The following PTPRD variants were observed in gnomAD, a reference collection of about 807,000 sequenced individuals.
The protein encoded by PTPRD is receptor-type tyrosine-protein phosphatase delta.
PTPRD carries 34 observed loss-of-function variants against 214.5 expected under a neutral mutation model. The ratio of observed to expected loss-of-function variants is 0.16; its 90% confidence interval spans 0.12 to 0.21. PTPRD has a LOEUF of 0.21. Ranked by LOEUF, PTPRD falls within the 10% of genes least tolerant of loss-of-function variation. The pLI is 1.00. For synonymous variants in PTPRD, 1,128 were observed against 845.7 expected, an observed-to-expected ratio of 1.33 and a Z score of -5.79; for missense variants, 2,545 against 2,398.7, an observed-to-expected ratio of 1.06 and a Z score of -1.27.
At chr9:10,000,999 C>T (rs2096295195) in intron 4 of PTPRD, among the ~76,000 whole-genome samples, 1 of 152,140 alleles carries the variant, frequency 6.6e-6, no homozygotes, top group Non-Finnish European at 1.5e-5. Flanking sequence ...CCAATATTAC[C>T]GACCACTTTT....
At chr9:9,314,246 G>A (rs1961136554) in intron 9 of PTPRD, among the ~76,000 whole-genome samples, 1 of 152,124 alleles carries the variant, frequency 6.6e-6, no homozygotes, top group East Asian at 1.9e-4. Flanking sequence ...TTAAATGGCT[G>A]TAGGATAGTA....
chr9:8,659,424 C>G (rs2096984637), intron 12 of PTPRD, among the ~76,000 whole-genome samples: 3 of 152,174 alleles, frequency 2.0e-5, no homozygotes, highest in African/African-American at 7.2e-5. Flanking sequence ...AGATTCCAAC[C>G]TGTTGTTATC....
chr9:8,526,937 A>C (rs1455030674), intron 16 of PTPRD, among the ~76,000 whole-genome samples: 2 of 151,282 alleles, frequency 1.3e-5, no homozygotes, highest in Non-Finnish European at 2.9e-5. Context: ...TTAGAATTAT[A>C]TCTTATATGC....
At chr9:10,007,517 T>C (rs2096507279) in intron 4 of PTPRD, among the ~76,000 whole-genome samples, 3 of 151,990 alleles carry the variant, frequency 2.0e-5, no homozygotes. Flanking sequence ...TCTGTTTGGA[T>C]GGTTTGGGCA....
chr9:10,112,441 T>G lies in PTPRD; in HGVS notation c.-544-78651A>C, dbSNP rs561753540. On this transcript the variant is annotated intron_variant, in intron 3 of 45. Coordinates refer to ENST00000381196, the MANE Select transcript of PTPRD (RefSeq NM_002839.4). ...AACTGACAATTATCTATTTTTTTTT[T>G]GTCAAGCTTTAATCTTGGCACTGAG... Among the ~76,000 whole-genome samples, 6 of 152,292 alleles carry G rather than the reference T, an allele frequency of 3.9e-5. No homozygotes were observed. In the East Asian group the frequency reaches 5.8e-4, roughly 15 times the overall value.
chr9:8,702,163 TG>T (rs1482776081), intron 12 of PTPRD, among the ~76,000 whole-genome samples: 1 of 152,130 alleles, frequency 6.6e-6, no homozygotes. Context: ...GACGGTTGCT[TG>T]GATTTTTCTG....
intron 14 of PTPRD, among the ~76,000 whole-genome samples, chr9:8,592,469 G>C (rs1327861950): frequency 1.3e-5 from 2 of 152,102 alleles, no homozygotes; most frequent in Non-Finnish European, 2.9e-5. Flanking sequence ...AATAGCTCTG[G>C]GAACGTGCAC....
intron 8 of PTPRD, among the ~76,000 whole-genome samples, chr9:9,495,841 G>A (rs1217934897): frequency 2.0e-5 from 3 of 152,174 alleles, no homozygotes; most frequent in African/African-American, 4.8e-5. Context: ...CCCACGTGAT[G>A]AGGCAATGGG....
intron 5 of PTPRD, among the ~76,000 whole-genome samples, chr9:9,925,331 G>A (rs185698815): frequency 7.2e-5 from 11 of 152,068 alleles, no homozygotes; most frequent in African/African-American, 2.4e-4. Flanking sequence ...ACAAAAATGT[G>A]TATATTTAAT....
intron 3 of PTPRD, among the ~76,000 whole-genome samples, chr9:10,277,946 C>G (rs922364760): frequency 6.6e-6 from 1 of 151,860 alleles, no homozygotes; most frequent in African/African-American, 2.4e-5. Context: ...ATCATGAGGT[C>G]GGGAGATCGA....
Position 10,612,970 on chromosome 9 carries a change from C to A in PTPRD, c.-990G>T, listed in dbSNP as rs1024237839. On this transcript the variant is annotated 5_prime_UTR_variant, in exon 1 of 46. Transcript: ENST00000381196. Reference sequence around the variant, plus strand: ...CCGCTCCCGCACTCGCTCGCTCGCTCGCTGGCGCTCCCTCCTCGTCTCGCT... The same window carrying A: ...CCGCTCCCGCACTCGCTCGCTCGCTAGCTGGCGCTCCCTCCTCGTCTCGCT... 3.3e-5 allele frequency among the ~76,000 whole-genome samples: 5 copies of A among 151,354 alleles called. No homozygotes were observed. The highest frequency in any genetic ancestry group is 7.3e-5 in the African/African-American group (3 of 41,320).
At chr9:9,960,515 C>G (rs1231983386) in intron 4 of PTPRD, among the ~76,000 whole-genome samples, 18 of 152,096 alleles carry the variant, frequency 1.2e-4, no homozygotes, top group Non-Finnish European at 2.6e-4. Context: ...CATATACTAC[C>G]TCAGCGAGGT....
intron 44 of PTPRD, among the ~76,000 whole-genome samples, chr9:8,321,821 T>C (rs1425719990): frequency 2.0e-5 from 3 of 152,008 alleles, no homozygotes; most frequent in Admixed American, 6.6e-5. Context: ...TACACTGTTT[T>C]ATTGTGCTAT....
At chr9:8,600,619 A>T (rs2094798094) in intron 14 of PTPRD, among the ~76,000 whole-genome samples, 1 of 151,924 alleles carries the variant, frequency 6.6e-6, no homozygotes, top group Non-Finnish European at 1.5e-5. Flanking sequence ...GGTCCCCATT[A>T]TAGGCCCCAG....
intron 2 of PTPRD, among the ~76,000 whole-genome samples, chr9:10,379,238 A>G (rs920943368): frequency 6.6e-6 from 1 of 151,216 alleles, no homozygotes; most frequent in African/African-American, 2.4e-5. Context: ...GTTAGTTCTA[A>G]TAGTTTTTTT....
At chr9:8,940,838 GAT>G (rs2099029402) in intron 11 of PTPRD, among the ~76,000 whole-genome samples, 2 of 138,162 alleles carry the variant, frequency 1.4e-5, no homozygotes, top group African/African-American at 5.0e-5. Context: ...TGATGATGAT[GAT>G]GATGATGATG....
At chr9:8,989,093 T>C (rs1341634866) in intron 11 of PTPRD, among the ~76,000 whole-genome samples, 1 of 152,096 alleles carries the variant, frequency 6.6e-6, no homozygotes, top group Non-Finnish European at 1.5e-5. Flanking sequence ...ATTATTGCTA[T>C]ATGATAGTTG....
chr9:10,451,589 T>C (rs75615861), intron 2 of PTPRD, among the ~76,000 whole-genome samples: 1,813 of 151,652 alleles, frequency 0.012, 61 homozygotes, highest in African/African-American at 0.04. Flanking sequence ...GTAGTGTTGT[T>C]TCAAGGATTA....
At chr9:9,958,881 T>G (rs1381857765) in intron 4 of PTPRD, among the ~76,000 whole-genome samples, 10 of 152,120 alleles carry the variant, frequency 6.6e-5, no homozygotes, top group Admixed American at 6.5e-4. Context: ...CAAATGCTAG[T>G]GAGAATGTAG....
Sources: gnomAD v4.1 joint callset for allele counts (sites outside exome capture counted in the v4.1 genomes callset) on GRCh38, gnomAD v4.1.1 for gene constraint, MANE v1.5 for transcripts, NCBI Gene and HGNC (gene_info 2026-07-23, HGNC 2026-07-21) for gene names.